SCN9A: variants seen among roughly 807,000 people sequenced by gnomAD.
SCN9A encodes sodium voltage-gated channel alpha subunit 9.
A neutral mutation model predicts 187.0 loss-of-function variants in SCN9A; 131 were observed. That is an observed-to-expected ratio of 0.70 (90% CI 0.61 to 0.81). The LOEUF is 0.81. SCN9A is among the 30% of genes least tolerant of loss of function. SCN9A has a pLI of 0.00. For missense variants in SCN9A, 2,252 were observed against 2,396.6 expected (o/e 0.94, Z 1.26); for synonymous variants, 809 against 808.6 (o/e 1.00, Z -0.01).
intron 18 of SCN9A, among the ~76,000 whole-genome samples, chr2:166,246,225 C>T (rs1695782588): frequency 1.3e-5 from 2 of 151,556 alleles, no homozygotes; most frequent in South Asian, 2.1e-4. Flanking sequence ...GACTTGATTC[C>T]CCAAAAAGAG....
Position 166,254,934 on chromosome 2 carries a change from C to T in SCN9A, c.3352-3049G>A, listed in dbSNP as rs182439617. Among the ~76,000 whole-genome samples the T allele has an allele frequency of 2.2e-3, 331 of 151,432 alleles. 2 individuals carry two copies. The highest frequency in any genetic ancestry group is 7.7e-3 in the African/African-American group (318 of 41,450). On this transcript the variant is annotated intron_variant, in intron 17 of 26. Coordinates refer to ENST00000642356, the MANE Select transcript of SCN9A (RefSeq NM_001365536.1). ...AGTGTACCATAATTAGCATTCCTGCCTTTTTATTGAATAATATGATATTGA... is the reference window on the plus strand; with the variant it reads ...AGTGTACCATAATTAGCATTCCTGCTTTTTTATTGAATAATATGATATTGA...
intron 2 of SCN9A, among the ~76,000 whole-genome samples, chr2:166,310,445 A>G (rs2106532811): frequency 1.2e-5 from 1 of 85,314 alleles, no homozygotes; most frequent in South Asian, 3.4e-4. Context: ...GGCAAAGGAC[A>G]TGAACAGACA....
intron 1 of SCN9A, among the ~76,000 whole-genome samples, chr2:166,318,175 A>T (rs1004052129): frequency 6.6e-6 from 1 of 152,134 alleles, no homozygotes; most frequent in African/African-American, 2.4e-5. Context: ...ATCCATGTCC[A>T]TTTTAGCTAG....
chr2:166,212,153 G>T (rs1694125195), intron 24 of SCN9A, among the ~76,000 whole-genome samples: 1 of 152,202 alleles, frequency 6.6e-6, no homozygotes, highest in Non-Finnish European at 1.5e-5. Context: ...ACAGGGTCAT[G>T]GTTTCAGAAC....
At chr2:166,283,755 T>C (rs1249625113) in intron 12 of SCN9A, among the ~76,000 whole-genome samples, 1 of 152,186 alleles carries the variant, frequency 6.6e-6, no homozygotes, top group Admixed American at 6.5e-5. Context: ...ACCTAATACA[T>C]AGCCATTCTA....
chr2:166,255,111 A>AGAGAGAG (rs1204204851), intron 17 of SCN9A, among the ~76,000 whole-genome samples: 5 of 130,452 alleles, frequency 3.8e-5, no homozygotes, highest in South Asian at 2.4e-4. Context: ...AGAGAAAAAG[A>AGAGAGAG]GAGAGAGGAG....
intron 13 of SCN9A, among the ~76,000 whole-genome samples, chr2:166,281,160 G>C (rs78385474): frequency 2.6e-5 from 4 of 152,114 alleles, no homozygotes; most frequent in South Asian, 2.1e-4. Context: ...ATGGGAATGT[G>C]GGGGGTGAAG....
intron 7 of SCN9A, among the ~76,000 whole-genome samples, chr2:166,299,667 C>A (rs1053083197): frequency 6.6e-6 from 1 of 150,740 alleles, no homozygotes; most frequent in Non-Finnish European, 1.5e-5. Flanking sequence ...TTAAAAATAT[C>A]AGGGATGTTC....
At chr2:166,231,221 ATTAAG>A (rs142227885) in intron 21 of SCN9A, among the ~76,000 whole-genome samples, 3,161 of 152,326 alleles carry the variant, frequency 0.021, 120 homozygotes, top group African/African-American at 0.073. Flanking sequence ...TGCTCAAAAA[ATTAAG>A]TTAATGTCAA....
At chr2:166,222,386 T>A (rs1454185077) in intron 24 of SCN9A, among the ~76,000 whole-genome samples, 2 of 152,152 alleles carry the variant, frequency 1.3e-5, no homozygotes, top group Non-Finnish European at 2.9e-5. Context: ...TCCCAGCACT[T>A]TGGGAGGCCA....
chr2:166,242,656 C>G lies in SCN9A; in HGVS notation c.3473G>C (p.Gly1158Ala). 6.5e-7 allele frequency: 1 copy of G among 1,545,462 alleles called. No individual in the cohort carries two copies. Among genetic ancestry groups the G allele is most frequent in the Non-Finnish European group, 8.7e-7 (1 of 1,143,228 alleles). ...SDEPEACFTD[G>A]CVWRFSCCQV... The stretch of plus-strand genomic sequence containing the variant: ...GCAGCATGAGAACCTCCATACACAA[C>G]CTGACAAGAAAGACATGCATGTTAA... The change falls in exon 19 of 27, where the codon GGT becomes GCT. Residue 1158 changes from glycine to alanine, a missense_variant and splice_region_variant. Physicochemically the swap from Gly to Ala is moderately conservative, Grantham distance 60. Around this residue, in one of 7 missense-constraint regions of SCN9A, gnomAD observed 313 missense variants for 295.3 expected, o/e 1.06. Transcript: ENST00000642356.
chr2:166,309,783 G>A (rs1194880043), intron 2 of SCN9A, among the ~76,000 whole-genome samples: 12 of 146,656 alleles, frequency 8.2e-5, no homozygotes, highest in South Asian at 4.4e-4. Flanking sequence ...AAAAGAGCCC[G>A]CATCGCCAAG....
At chr2:166,328,080 A>C (rs1360520870) in intron 1 of SCN9A, among the ~76,000 whole-genome samples, 3 of 152,196 alleles carry the variant, frequency 2.0e-5, no homozygotes, top group African/African-American at 7.2e-5. Context: ...GGAACAAAGC[A>C]GACCTGTCAT....
intron 12 of SCN9A, 47 bp downstream of exon 12, chr2:166,284,406 C>G: frequency 1.3e-6 from 2 of 1,555,094 alleles, no homozygotes; most frequent in Non-Finnish European, 1.7e-6. Flanking sequence ...CTGACTGATG[C>G]AGGAACAAGG....
In SCN9A at chr2:166,199,423, T is replaced by C. The variant is rs1289136487; in HGVS notation, c.5216A>G (p.Tyr1739Cys). ...GGATATGATGATATAACTAACAAAG[T>C]AGAATATTCCAACAGATGGGTTACC... ...DCGNPSVGIF[Y>C]FVSYIIISFL... Residue 1739 changes from tyrosine (Y) to cysteine (C), a missense_variant, in exon 27 of 27, where the codon TAC becomes TGC. This residue lies in a region of SCN9A where 345 missense variants were observed against 344.6 expected (regional missense o/e 1.00). Coordinates refer to ENST00000642356, the MANE Select transcript of SCN9A (RefSeq NM_001365536.1). 4 of 1,614,020 alleles carry C rather than the reference T, an allele frequency of 2.5e-6. No homozygotes were observed. Among genetic ancestry groups the C allele is most frequent in the African/African-American group, 1.3e-5 (1 of 74,904 alleles).
At chr2:166,276,890 T>C (rs1697257713) in intron 16 of SCN9A, 93 bp downstream of exon 16, 3 of 919,884 alleles carry the variant, frequency 3.3e-6, no homozygotes, top group African/African-American at 1.7e-5. Flanking sequence ...ATTGTAGATA[T>C]AATTAATTAT....
At chr2:166,320,108 G>A (rs895605819) in intron 1 of SCN9A, among the ~76,000 whole-genome samples, 13 of 151,948 alleles carry the variant, frequency 8.6e-5, no homozygotes, top group African/African-American at 2.7e-4. Context: ...TGAGACATAA[G>A]CATATTATTT....
chr2:166,363,464 C>T (rs925695121), intron 1 of SCN9A, among the ~76,000 whole-genome samples: 2 of 151,876 alleles, frequency 1.3e-5, no homozygotes, highest in African/African-American at 4.8e-5. Context: ...ATATTCTTTC[C>T]CATCAGGAAT....
chr2:166,281,602 T>C, intron 13 of SCN9A, 77 bp downstream of exon 13: 1 of 1,340,854 alleles, frequency 7.5e-7, no homozygotes, highest in Non-Finnish European at 1.0e-6. Flanking sequence ...AAGAATTTCA[T>C]GTGCCTATTT....
Sources: gnomAD v4.1 joint callset for allele counts (sites outside exome capture counted in the v4.1 genomes callset) on GRCh38, gnomAD v4.1.1 for gene constraint, gnomAD v4.1.1 regional missense constraint, MANE v1.5 for transcripts, NCBI Gene and HGNC (gene_info 2026-07-23, HGNC 2026-07-21) for gene names.